Variants in ICA1 observed in about 807,000 individuals in gnomAD.
The protein encoded by ICA1 is 69 kDa islet cell autoantigen.
In ICA1, 40 loss-of-function variants were observed where a neutral mutation model predicts 71.0. The ratio of observed to expected loss-of-function variants is 0.56; its 90% confidence interval spans 0.44 to 0.73. ICA1 has a LOEUF of 0.73. ICA1 is among the 30% of genes least tolerant of loss of function. The pLI is 0.00. For missense variants in ICA1, 578 were observed against 576.5 expected, an observed-to-expected ratio of 1.00 and a Z score of -0.03; for synonymous variants, 207 against 209.5, an observed-to-expected ratio of 0.99 and a Z score of 0.10.
chr7:8,174,407 C>T (rs997341779), intron 6 of ICA1, among the ~76,000 whole-genome samples: 1 of 151,968 alleles, frequency 6.6e-6, no homozygotes, highest in Admixed American at 6.6e-5. Context: ...GCTTTTATAA[C>T]GAACCTAGTG....
chr7:8,257,151 T>C (rs1168200464), intron 1 of ICA1, among the ~76,000 whole-genome samples: 2 of 152,208 alleles, frequency 1.3e-5, no homozygotes, highest in East Asian at 3.8e-4. Flanking sequence ...CCACTGCCAA[T>C]ATAGTGCTAC....
chr7:8,210,923 G>C (rs16870299), intron 6 of ICA1, among the ~76,000 whole-genome samples: 1 of 145,004 alleles, frequency 6.9e-6, no homozygotes, highest in African/African-American at 2.5e-5. Flanking sequence ...GAGCTCCAGC[G>C]AGAGACAGGA....
intron 6 of ICA1, among the ~76,000 whole-genome samples, chr7:8,187,436 A>G (rs1049251138): frequency 6.6e-6 from 1 of 152,186 alleles, no homozygotes; most frequent in African/African-American, 2.4e-5. Flanking sequence ...CCACAAATGG[A>G]GCTTGCAGGC....
chr7:8,180,487 A>G (rs537248912), intron 6 of ICA1, among the ~76,000 whole-genome samples: 1 of 152,252 alleles, frequency 6.6e-6, no homozygotes, highest in South Asian at 2.1e-4. Flanking sequence ...TGCCGTGAAC[A>G]TTCTTGTGAA....
intron 6 of ICA1, among the ~76,000 whole-genome samples, chr7:8,171,305 C>A (rs2128232654): frequency 6.6e-6 from 1 of 151,974 alleles, no homozygotes; most frequent in Admixed American, 6.6e-5. Context: ...TTTTTAACTA[C>A]AAATATGATT....
Position 8,113,763 on chromosome 7 carries a change from A to G in ICA1, c.*160T>C. 1.4e-6 allele frequency: 1 copy of G among 695,790 alleles called. No homozygotes were observed. Among genetic ancestry groups the G allele is most frequent in the South Asian group, 1.9e-5 (1 of 53,704 alleles). 43.1% of individuals were successfully genotyped at this position (695,790 alleles called of 1,614,324 possible). A position where few individuals can be genotyped will look rare whatever the true frequency, so the allele number is the denominator to read the frequency against. On this transcript the variant is annotated 3_prime_UTR_variant, in exon 14 of 14. Coordinates refer to ENST00000402384, the MANE Select transcript of ICA1 (RefSeq NM_001136020.3). This position sits in a 1 kb window ranked among gnomAD's most constrained non-coding sequence, Gnocchi z 4.2. ...ACGAAAACCCTTTATACCAAATAAG[A>G]GTAAATAATTATACCAATATAAACA...
chr7:8,252,599 T>C (rs1434093467), intron 1 of ICA1, among the ~76,000 whole-genome samples: 1 of 151,966 alleles, frequency 6.6e-6, no homozygotes, highest in East Asian at 1.9e-4. Flanking sequence ...CACACTGGAT[T>C]TTGAAGACTT....
intron 6 of ICA1, among the ~76,000 whole-genome samples, chr7:8,200,851 C>T (rs1789406627): frequency 6.6e-6 from 1 of 152,182 alleles, no homozygotes; most frequent in African/African-American, 2.4e-5. Context: ...TCTAATTTCT[C>T]ACTGTCTATT....
At chr7:8,159,046 C>G (rs2110335) in intron 6 of ICA1, among the ~76,000 whole-genome samples, 15,210 of 152,190 alleles carry the variant, frequency 0.1, 2,373 homozygotes, top group African/African-American at 0.34. Flanking sequence ...CTCAGCTTCC[C>G]CTAGTGTTAA....
At position 8,132,173 on chromosome 7, in the gene ICA1, C is replaced by T. The variant is rs980565389; in HGVS notation, c.1061-4031G>A. 5.3e-5 allele frequency among the ~76,000 whole-genome samples: 8 copies of T among 152,226 alleles called. No individual in the cohort carries two copies. The highest frequency in any genetic ancestry group is 2.1e-4 in the South Asian group (1 of 4,828). Reference sequence around the variant, plus strand: ...TCACATCCTCACCTGTCTCCAACTCCGTGACCTTGCAGGCATTGCCTCTCC... The same window carrying T: ...TCACATCCTCACCTGTCTCCAACTCTGTGACCTTGCAGGCATTGCCTCTCC... On this transcript the variant is annotated intron_variant, in intron 12 of 13. Coordinates refer to ENST00000402384, the MANE Select transcript of ICA1 (RefSeq NM_001136020.3). The surrounding 1 kb of genome is among the most constrained non-coding windows in gnomAD (Gnocchi z 4.5).
rs115366158 is a variant in ICA1 at position 8,123,434 on chromosome 7, G to A, written c.1330+4439C>T. Among the ~76,000 whole-genome samples, 207 of 151,976 alleles carry A rather than the reference G, an allele frequency of 1.4e-3. No individual in the cohort carries two copies. The highest frequency in any genetic ancestry group is 4.9e-3 in the African/African-American group (202 of 41,534). On this transcript the variant is annotated intron_variant, in intron 13 of 13. Transcript: ENST00000402384. This position sits in a 1 kb window ranked among gnomAD's most constrained non-coding sequence, Gnocchi z 4.1. The stretch of plus-strand genomic sequence containing the variant: ...GAGAGGGGGTGAGGGAGCTGGGGAC[G>A]CGGCCCAGAGCTTGCACTTCAGTCC...
intron 1 of ICA1, among the ~76,000 whole-genome samples, chr7:8,240,810 G>T (rs1450816551): frequency 6.6e-6 from 1 of 152,124 alleles, no homozygotes; most frequent in Non-Finnish European, 1.5e-5. Flanking sequence ...AGAAAGGGTA[G>T]GTATCAGTGA....
chr7:8,149,574 T>A (rs1295318187), intron 8 of ICA1, among the ~76,000 whole-genome samples: 1 of 152,224 alleles, frequency 6.6e-6, no homozygotes, highest in Non-Finnish European at 1.5e-5. Context: ...AACAGCAACA[T>A]TCATCTGAAT....
intron 1 of ICA1, among the ~76,000 whole-genome samples, chr7:8,242,571 A>G (rs1289362012): frequency 6.6e-6 from 1 of 152,208 alleles, no homozygotes; most frequent in East Asian, 1.9e-4. Flanking sequence ...AGATCAGAGC[A>G]GAACTGAAGG....
At chr7:8,155,043 T>G (rs1016011982) in intron 8 of ICA1, among the ~76,000 whole-genome samples, 1 of 152,212 alleles carries the variant, frequency 6.6e-6, no homozygotes, top group Non-Finnish European at 1.5e-5. Context: ...AGCTTGAGAT[T>G]CTAATGTGAT....
intron 8 of ICA1, among the ~76,000 whole-genome samples, chr7:8,155,225 G>T (rs373083248): frequency 1.3e-5 from 2 of 152,096 alleles, no homozygotes; most frequent in Non-Finnish European, 2.9e-5. Context: ...ATTAAACCAT[G>T]AACTATTACT....
chr7:8,258,463 G>A (rs997935138), intron 1 of ICA1, among the ~76,000 whole-genome samples: 1 of 152,102 alleles, frequency 6.6e-6, no homozygotes, highest in Admixed American at 6.5e-5. Context: ...GTTTACACTG[G>A]GACAAGGAGT....
chr7:8,179,704 C>T (rs1283529300), intron 6 of ICA1, among the ~76,000 whole-genome samples: 1 of 152,018 alleles, frequency 6.6e-6, no homozygotes, highest in Non-Finnish European at 1.5e-5. Context: ...TGTTCTAGTT[C>T]CCCAAACGAG....
At chr7:8,206,606 C>T (rs927916275) in intron 6 of ICA1, among the ~76,000 whole-genome samples, 5 of 151,960 alleles carry the variant, frequency 3.3e-5, no homozygotes, top group African/African-American at 7.3e-5. Context: ...CAGGAAAAGG[C>T]GTATGGTGAA....
Sources: gnomAD v4.1 joint callset for allele counts (sites outside exome capture counted in the v4.1 genomes callset) on GRCh38, gnomAD v4.1.1 for gene constraint, Gnocchi (gnomAD v3.1) non-coding constraint, MANE v1.5 for transcripts, NCBI Gene and HGNC (gene_info 2026-07-23, HGNC 2026-07-21) for gene names.